The following ITGBL1 variants were observed in gnomAD, a reference collection of about 807,000 sequenced individuals.
The protein encoded by ITGBL1 is integrin subunit beta like 1.
A neutral mutation model predicts 68.5 loss-of-function variants in ITGBL1; 51 were observed. The ratio of observed to expected loss-of-function variants is 0.74; its 90% confidence interval spans 0.59 to 0.94. The LOEUF is 0.94. Ranked by LOEUF, ITGBL1 falls within the 40% of genes least tolerant of loss-of-function variation. The pLI is 0.00. For missense variants in ITGBL1, 649 were observed against 647.4 expected, an observed-to-expected ratio of 1.00 and a Z score of -0.03; for synonymous variants, 209 against 227.3, an observed-to-expected ratio of 0.92 and a Z score of 0.72.
intron 2 of ITGBL1, among the ~76,000 whole-genome samples, chr13:101,559,980 C>G (rs1237894212): frequency 3.3e-5 from 5 of 152,106 alleles, no homozygotes; most frequent in Non-Finnish European, 4.4e-5. Context: ...CTTCCGTTGT[C>G]CACATGAAAA....
chr13:101,611,515 T>C (rs943981334), intron 7 of ITGBL1, among the ~76,000 whole-genome samples: 1 of 152,176 alleles, frequency 6.6e-6, no homozygotes, highest in Non-Finnish European at 1.5e-5. Context: ...ATGAGATTAC[T>C]ATTATCTAGA....
chr13:101,467,073 C>A (rs543175761), intron 2 of ITGBL1, among the ~76,000 whole-genome samples: 4 of 152,086 alleles, frequency 2.6e-5, no homozygotes, highest in Admixed American at 2.6e-4. Context: ...TAAACAGGCT[C>A]CCCCAAGCCT....
chr13:101,635,658 G>T (rs2139418580), intron 7 of ITGBL1, among the ~76,000 whole-genome samples: 1 of 152,130 alleles, frequency 6.6e-6, no homozygotes, highest in East Asian at 1.9e-4. Context: ...TATGCACTCA[G>T]GTACTATAGA....
intron 2 of ITGBL1, among the ~76,000 whole-genome samples, chr13:101,553,449 C>T (rs538554547): frequency 1.1e-4 from 16 of 152,212 alleles, no homozygotes; most frequent in South Asian, 2.1e-4. Flanking sequence ...AACTCAGAAA[C>T]GCAAAATGAT....
chr13:101,622,811 C>A (rs2031633930), intron 7 of ITGBL1, among the ~76,000 whole-genome samples: 1 of 151,960 alleles, frequency 6.6e-6, no homozygotes, highest in Admixed American at 6.6e-5. Context: ...TAATACGAGG[C>A]CTCTAGCCTA....
At chr13:101,606,275 T>A (rs1434683186) in intron 7 of ITGBL1, among the ~76,000 whole-genome samples, 1 of 150,572 alleles carries the variant, frequency 6.6e-6, no homozygotes, top group Non-Finnish European at 1.5e-5. Flanking sequence ...GGTGACTAAG[T>A]GTGATCATTA....
chr13:101,524,656 C>CTTT (rs71121199), intron 2 of ITGBL1, among the ~76,000 whole-genome samples: 2 of 139,568 alleles, frequency 1.4e-5, no homozygotes, highest in African/African-American at 2.7e-5. Flanking sequence ...TATTCTTATT[C>CTTT]TTTTTTTTTT....
intron 7 of ITGBL1, among the ~76,000 whole-genome samples, chr13:101,657,768 G>A (rs2032972882): frequency 6.6e-6 from 1 of 152,104 alleles, no homozygotes; most frequent in Admixed American, 6.5e-5. Context: ...CTGCACATGT[G>A]GATGAATATT....
At chr13:101,555,645 A>T (rs1363652068) in intron 2 of ITGBL1, among the ~76,000 whole-genome samples, 1 of 150,706 alleles carries the variant, frequency 6.6e-6, no homozygotes, top group African/African-American at 2.5e-5. Context: ...AAGTATCTAC[A>T]TATATGTATG....
intron 2 of ITGBL1, among the ~76,000 whole-genome samples, chr13:101,474,194 C>A (rs1349840809): frequency 6.6e-6 from 1 of 152,078 alleles, no homozygotes; most frequent in Non-Finnish European, 1.5e-5. Context: ...CATTTCTGGA[C>A]CCACACTGGG....
intron 10 of ITGBL1, 63 bp downstream of exon 10, chr13:101,714,614 C>T (rs776451516): frequency 1.9e-4 from 184 of 980,406 alleles, no homozygotes; most frequent in Admixed American, 2.0e-4. Flanking sequence ...AAGAGACACT[C>T]GTCATGCAAT....
intron 8 of ITGBL1, among the ~76,000 whole-genome samples, chr13:101,698,396 G>A (rs1028534158): frequency 2.0e-5 from 3 of 152,182 alleles, no homozygotes; most frequent in Non-Finnish European, 2.9e-5. Flanking sequence ...TGATAGGTTG[G>A]ATAAATTAGC....
In ITGBL1 at chr13:101,577,739, C is replaced by T. The variant is rs1399585514; in HGVS notation, c.587-1548C>T. On this transcript the variant is annotated intron_variant, in intron 4 of 10. Transcript: ENST00000376180. ...GAAAAGCAATTAATATACACTATTG[C>T]TTTTTTTTCAGTGTAATCCTTGAGT... Among the ~76,000 whole-genome samples, 5 of 151,850 alleles carry T rather than the reference C, an allele frequency of 3.3e-5. No individual in the cohort carries two copies. In the South Asian group the frequency reaches 1.0e-3, roughly 32 times the overall value.
rs181813759 is a variant in ITGBL1 at position 101,624,638 on chromosome 13, T to C, written c.1015+26339T>C. Among the ~76,000 whole-genome samples the C allele has an allele frequency of 1.6e-4, 24 of 152,318 alleles. 1 individual carries two copies. On this transcript the variant is annotated intron_variant, in intron 7 of 10. Transcript: ENST00000376180. ...CAGCGCTCACTACCCCTCTGCATTTTATCCCTGTCACCATTTGGAGAATCA... is the reference window on the plus strand; with the variant it reads ...CAGCGCTCACTACCCCTCTGCATTTCATCCCTGTCACCATTTGGAGAATCA...
intron 7 of ITGBL1, among the ~76,000 whole-genome samples, chr13:101,689,433 C>G (rs9554818): frequency 0.23 from 35,025 of 151,232 alleles, 4,639 homozygotes; most frequent in South Asian, 0.35. Context: ...AAGTTGTGAA[C>G]TGAGGCAGCA....
chr13:101,633,354 T>C (rs1359733459), intron 7 of ITGBL1, among the ~76,000 whole-genome samples: 1 of 152,214 alleles, frequency 6.6e-6, no homozygotes, highest in Non-Finnish European at 1.5e-5. Flanking sequence ...TATTGTTTTG[T>C]ATCTTCTAAT....
At chr13:101,699,409 T>G (rs1344789998) in intron 8 of ITGBL1, among the ~76,000 whole-genome samples, 1 of 152,210 alleles carries the variant, frequency 6.6e-6, no homozygotes. Context: ...CATCTTGAAT[T>G]GTAGTTTCTA....
chr13:101,569,883 G>T (rs1271953864), intron 3 of ITGBL1, among the ~76,000 whole-genome samples: 1 of 152,092 alleles, frequency 6.6e-6, no homozygotes, highest in Non-Finnish European at 1.5e-5. Context: ...TCTTAACTGT[G>T]TTATTTCTGA....
chr13:101,526,014 C>T (rs1013720696), intron 2 of ITGBL1, among the ~76,000 whole-genome samples: 3 of 151,854 alleles, frequency 2.0e-5, no homozygotes, highest in Non-Finnish European at 4.4e-5. Context: ...AATAACAACC[C>T]TATTTTGATT....
Sources: allele counts gnomAD v4.1 joint callset (sites outside exome capture counted in the v4.1 genomes callset), GRCh38; gene constraint gnomAD v4.1.1; transcripts MANE v1.5; gene names NCBI Gene and HGNC (gene_info 2026-07-23, HGNC 2026-07-21).